ATP10B: variants seen among roughly 807,000 people sequenced by gnomAD.
ATP10B encodes the protein ATPase phospholipid transporting 10B (putative).
In ATP10B, 122 loss-of-function variants were observed where a neutral mutation model predicts 141.2. The ratio of observed to expected loss-of-function variants is 0.86; its 90% CI spans 0.75 to 1.00. The LOEUF is 1.00. Among genes scored for constraint, ATP10B ranks in the 50% least tolerant of loss-of-function variants. The pLI is 0.00. For synonymous variants in ATP10B, 685 were observed against 692.0 expected, an observed-to-expected ratio of 0.99 and a Z score of 0.16; for missense variants, 1,876 against 1,825.3, an observed-to-expected ratio of 1.03 and a Z score of -0.51.
chr5:160,820,984 G>A (rs979248720), intron 1 of ATP10B, among the ~76,000 whole-genome samples: 1 of 151,992 alleles, frequency 6.6e-6, no homozygotes, highest in African/African-American at 2.4e-5. Flanking sequence ...TCTGTAACAA[G>A]ACAAGGATGT....
chr5:160,910,094 C>T, the ATP10B span, among the ~76,000 whole-genome samples: 1 of 152,074 alleles, frequency 6.6e-6, no homozygotes, highest in African/African-American at 2.4e-5. Flanking sequence ...TCTCCTTATC[C>T]CGCCCCTCCC....
chr5:160,921,363 A>T, the ATP10B span, among the ~76,000 whole-genome samples: 2 of 151,858 alleles, frequency 1.3e-5, no homozygotes, highest in African/African-American at 4.8e-5. Context: ...GTGGTAAAAT[A>T]TATATAACTT....
intron 1 of ATP10B, among the ~76,000 whole-genome samples, chr5:160,805,726 C>T (rs1379663459): frequency 1.3e-5 from 2 of 152,238 alleles, no homozygotes; most frequent in Middle Eastern, 3.4e-3. Context: ...GTTATCTTGT[C>T]TGTGTTTGAC....
At chr5:160,687,115 TAA>T (rs1763803334) in intron 5 of ATP10B, 1 of 198,580 alleles carries the variant, frequency 5.0e-6, no homozygotes, top group South Asian at 1.8e-4. Context: ...CTGACTTTCT[TAA>T]CTAGGCCAAG....
At chr5:160,606,162 T>C (rs1757375311) in intron 19 of ATP10B, among the ~76,000 whole-genome samples, 1 of 152,218 alleles carries the variant, frequency 6.6e-6, no homozygotes, top group Non-Finnish European at 1.5e-5. Flanking sequence ...GTTTGGTTGT[T>C]CCTGAAAGGT....
At chr5:160,580,109 G>C (rs1202689878) in intron 24 of ATP10B, among the ~76,000 whole-genome samples, 2 of 152,222 alleles carry the variant, frequency 1.3e-5, no homozygotes, top group African/African-American at 4.8e-5. Context: ...TCTGCAAACA[G>C]AGACAATTTG....
At position 160,670,443 on chromosome 5, in the gene ATP10B, G is replaced by A; in HGVS notation, c.675+20C>T. Reference sequence around the variant, plus strand: ...TCCTTTCTATGACTTTACCATTGAAGATATTAGAAAGAGCCCTACCTGCTG... The same window carrying A: ...TCCTTTCTATGACTTTACCATTGAAAATATTAGAAAGAGCCCTACCTGCTG... On this transcript the variant is annotated intron_variant, in intron 7 of 25. Coordinates refer to ENST00000327245, the MANE Select transcript of ATP10B (RefSeq NM_025153.3). The A allele has an allele frequency of 6.2e-7, 1 of 1,612,362 alleles. No individual in the cohort carries two copies. Among genetic ancestry groups the A allele is most frequent in the Non-Finnish European group, 8.5e-7 (1 of 1,178,640 alleles).
intron 7 of ATP10B, among the ~76,000 whole-genome samples, chr5:160,655,914 T>C (rs1329389349): frequency 6.6e-6 from 1 of 152,114 alleles, no homozygotes; most frequent in African/African-American, 2.4e-5. Context: ...GATGTGTCAA[T>C]AGCGGTATCT....
At chr5:160,890,307 G>A in the ATP10B span, among the ~76,000 whole-genome samples, 18,231 of 152,170 alleles carry the variant, frequency 0.12, 1,143 homozygotes, top group African/African-American at 0.13. Context: ...AAAGTCACAT[G>A]ACTTAAAATT....
chr5:160,632,620 G>GTTTTTTTTTTTTTTTTTTTTTTTTTT (rs34556097), intron 12 of ATP10B: 1 of 127,720 alleles, frequency 7.8e-6, no homozygotes, highest in Non-Finnish European at 1.6e-5. Context: ...TTCCTCAGAG[G>GTTTTTTTTTTTTTTTTTTTTTTTTTT]TTTTTTTTTT....
intron 2 of ATP10B, among the ~76,000 whole-genome samples, chr5:160,756,603 C>T (rs1379584360): frequency 6.6e-6 from 1 of 152,102 alleles, no homozygotes; most frequent in African/African-American, 2.4e-5. Flanking sequence ...TTCCAATTTT[C>T]ATTTCCTTAT....
chr5:160,818,817 C>G (rs898756522), intron 1 of ATP10B, among the ~76,000 whole-genome samples: 1 of 152,090 alleles, frequency 6.6e-6, no homozygotes, highest in Admixed American at 6.5e-5. Context: ...TACTATGCAG[C>G]CATAAAAAAT....
At chr5:160,568,300 C>CT (rs70990737) in intron 25 of ATP10B, among the ~76,000 whole-genome samples, 13,064 of 152,038 alleles carry the variant, frequency 0.086, 672 homozygotes, top group South Asian at 0.13. Context: ...ATAGTGATTG[C>CT]TTTTTATGGA....
rs1388208924 is a variant in ATP10B at position 160,687,980 on chromosome 5, G to A, written c.95C>T (p.Ser32Phe). 10 of 1,614,108 alleles carry A rather than the reference G, an allele frequency of 6.2e-6. No homozygotes were observed. The highest frequency in any genetic ancestry group is 8.5e-6 in the Non-Finnish European group (10 of 1,180,028). The change falls in exon 5 of 26, where the codon TCT becomes TTT. Residue 32 changes from serine (S) to phenylalanine (F), a missense_variant. Ser to Phe is a radical substitution (Grantham distance 155, BLOSUM62 -2). Coordinates refer to ENST00000327245, the MANE Select transcript of ATP10B (RefSeq NM_025153.3). Reference protein sequence around the residue: ...HCPSETTPLLSPEKGRQSYNL... With the variant: ...HCPSETTPLLFPEKGRQSYNL... ...GTAGCTCTGTCTCCCTTTCTCTGGA[G>A]AGAGCAGCGGTGTGGTTTCCGATGG...
At chr5:160,720,586 A>G (rs962712209) in intron 2 of ATP10B, among the ~76,000 whole-genome samples, 1 of 152,250 alleles carries the variant, frequency 6.6e-6, no homozygotes, top group Non-Finnish European at 1.5e-5. Flanking sequence ...TTGTTGTGTG[A>G]TATAAAATAT....
At chr5:160,922,323 T>TA in the ATP10B span, among the ~76,000 whole-genome samples, 3 of 152,280 alleles carry the variant, frequency 2.0e-5, no homozygotes, top group East Asian at 5.8e-4. Flanking sequence ...GTGCAAAATG[T>TA]AGAGGTGAAT....
At chr5:160,759,208 A>G (rs12656224) in intron 2 of ATP10B, among the ~76,000 whole-genome samples, 86,589 of 152,038 alleles carry the variant, frequency 0.57, 24,938 homozygotes, top group Admixed American at 0.64. Flanking sequence ...CTTGAATCCA[A>G]TTCTAGGCAC....
chr5:160,567,549 G>A (rs57789164), intron 25 of ATP10B, among the ~76,000 whole-genome samples: 2,095 of 152,228 alleles, frequency 0.014, 43 homozygotes, highest in African/African-American at 0.046. Flanking sequence ...ATGAATGGAG[G>A]AGGAAGGTAG....
intron 22 of ATP10B, among the ~76,000 whole-genome samples, chr5:160,593,813 G>C (rs987614828): frequency 6.6e-6 from 1 of 152,214 alleles, no homozygotes; most frequent in African/African-American, 2.4e-5. Flanking sequence ...ATGAAATGAA[G>C]TGAGAAGGGA....
Sources: gnomAD v4.1 joint callset for allele counts (sites outside exome capture counted in the v4.1 genomes callset) on GRCh38, gnomAD v4.1.1 for gene constraint, MANE v1.5 for transcripts, NCBI Gene and HGNC (gene_info 2026-07-23, HGNC 2026-07-21) for gene names.